Variants in RALYL observed in about 807,000 individuals in gnomAD.
The protein encoded by RALYL is RNA-binding Raly-like protein.
In RALYL, 29 loss-of-function variants were observed where a neutral mutation model predicts 35.1. That is an observed-to-expected ratio of 0.83 (90% CI 0.61 to 1.13). The LOEUF (loss-of-function observed/expected upper bound fraction) is 1.13. Ranked by LOEUF, RALYL falls within the 50% of genes most tolerant of loss-of-function variation. The pLI, the probability that RALYL is intolerant of heterozygous loss-of-function variation, is 0.00. For missense variants in RALYL, 359 were observed against 360.4 expected, an observed-to-expected ratio of 1.00 and a Z score of 0.03; for synonymous variants, 120 against 127.6, an observed-to-expected ratio of 0.94 and a Z score of 0.40.
chr8:84,438,483 G>A (rs1396940635), intron 1 of RALYL, among the ~76,000 whole-genome samples: 1 of 151,996 alleles, frequency 6.6e-6, no homozygotes, highest in African/African-American at 2.4e-5. Flanking sequence ...CCACCTCCTG[G>A]GCTCAAGCCA....
chr8:84,211,098 A>G (rs528064045), intron 1 of RALYL, among the ~76,000 whole-genome samples: 1 of 152,214 alleles, frequency 6.6e-6, no homozygotes, highest in African/African-American at 2.4e-5. Flanking sequence ...AATCCCTGAA[A>G]GATCAGTGTG....
chr8:84,473,994 G>T (rs1006536755), intron 1 of RALYL, among the ~76,000 whole-genome samples: 5 of 151,902 alleles, frequency 3.3e-5, no homozygotes, highest in Non-Finnish European at 7.4e-5. Context: ...TATTACTTAA[G>T]GTGACTTGTA....
chr8:84,409,291 G>A (rs182326810), intron 1 of RALYL, among the ~76,000 whole-genome samples: 146 of 152,018 alleles, frequency 9.6e-4, no homozygotes, highest in Non-Finnish European at 1.1e-3. Flanking sequence ...ATTGTATTGA[G>A]TGCTCTAGGA....
intron 1 of RALYL, among the ~76,000 whole-genome samples, chr8:84,272,583 C>T (rs1352440967): frequency 6.6e-6 from 1 of 152,148 alleles, no homozygotes; most frequent in African/African-American, 2.4e-5. Flanking sequence ...ATCATTGTCA[C>T]ATGGGCCAGG....
intron 1 of RALYL, among the ~76,000 whole-genome samples, chr8:84,453,355 G>T (rs1208741720): frequency 1.3e-5 from 2 of 151,904 alleles, no homozygotes; most frequent in Admixed American, 6.6e-5. Context: ...ATCTATGAAG[G>T]TAATAGGATA....
chr8:84,534,301 C>T (rs2059458802), intron 2 of RALYL, among the ~76,000 whole-genome samples: 1 of 152,234 alleles, frequency 6.6e-6, no homozygotes, highest in Admixed American at 6.5e-5. Context: ...CACTTAATCC[C>T]TTTTGCCTGG....
chr8:84,852,349 T>C (rs1314729937), intron 5 of RALYL, among the ~76,000 whole-genome samples: 1 of 152,158 alleles, frequency 6.6e-6, no homozygotes, highest in Non-Finnish European at 1.5e-5. Flanking sequence ...ATATTTTAAA[T>C]ATTAAGAAAC....
intron 4 of RALYL, among the ~76,000 whole-genome samples, chr8:84,821,597 C>T (rs1272229775): frequency 1.3e-5 from 2 of 152,192 alleles, no homozygotes; most frequent in Admixed American, 6.6e-5. Flanking sequence ...TTCCCAATCA[C>T]ATTCTGTTCA....
At chr8:84,504,449 A>G (rs2056988184) in intron 1 of RALYL, among the ~76,000 whole-genome samples, 1 of 152,144 alleles carries the variant, frequency 6.6e-6, no homozygotes, top group Non-Finnish European at 1.5e-5. Context: ...TGTGCATATA[A>G]CTTTACCCTA....
intron 1 of RALYL, among the ~76,000 whole-genome samples, chr8:84,249,608 A>G (rs1829784504): frequency 6.6e-6 from 1 of 152,166 alleles, no homozygotes; most frequent in South Asian, 2.1e-4. Flanking sequence ...GGAATCCTAT[A>G]GTCTTGAAAC....
At position 84,239,661 on chromosome 8, in the gene RALYL, C is replaced by T. The variant is rs531855675; in HGVS notation, c.-24+55237C>T. On this transcript the variant is annotated intron_variant, in intron 1 of 8. Transcript: ENST00000521268. Reference sequence around the variant, plus strand: ...GTCCTAGCACTTTGGGAGGCTGAGGCGGGCAGGTCATCTGAGATCAGGAGT... The same window carrying T: ...GTCCTAGCACTTTGGGAGGCTGAGGTGGGCAGGTCATCTGAGATCAGGAGT... 1.6e-4 allele frequency among the ~76,000 whole-genome samples: 24 copies of T among 152,136 alleles called. No homozygotes were observed. In the South Asian group the frequency reaches 4.2e-3, roughly 26 times the overall value.
intron 8 of RALYL, among the ~76,000 whole-genome samples, chr8:84,906,582 A>G (rs1442091183): frequency 6.6e-6 from 1 of 152,118 alleles, no homozygotes; most frequent in Non-Finnish European, 1.5e-5. Flanking sequence ...TTCTTCCCCA[A>G]CTTTTTTCAT....
intron 1 of RALYL, among the ~76,000 whole-genome samples, chr8:84,257,201 A>G (rs1454048528): frequency 6.6e-6 from 1 of 152,044 alleles, no homozygotes; most frequent in African/African-American, 2.4e-5. Context: ...AACAAAAATT[A>G]TTCTTGATAA....
At chr8:84,619,913 A>G (rs1226080280) in intron 2 of RALYL, among the ~76,000 whole-genome samples, 53 of 151,136 alleles carry the variant, frequency 3.5e-4, no homozygotes, top group African/African-American at 1.2e-3. Flanking sequence ...AGAATGTTGA[A>G]TATTGGCCCC....
chr8:84,222,741 T>G (rs1462516829), intron 1 of RALYL, among the ~76,000 whole-genome samples: 1 of 152,114 alleles, frequency 6.6e-6, no homozygotes, highest in Non-Finnish European at 1.5e-5. Flanking sequence ...TAAGGATTTG[T>G]GTACCATTGA....
At chr8:84,794,413 A>G (rs939197554) in intron 3 of RALYL, among the ~76,000 whole-genome samples, 1 of 152,240 alleles carries the variant, frequency 6.6e-6, no homozygotes, top group Non-Finnish European at 1.5e-5. Flanking sequence ...GTAGGATTTA[A>G]CAGCCATTAG....
chr8:84,858,906 G>A (rs1428000755), intron 5 of RALYL, among the ~76,000 whole-genome samples: 1 of 152,090 alleles, frequency 6.6e-6, no homozygotes, highest in Non-Finnish European at 1.5e-5. Flanking sequence ...AATTAAGAAA[G>A]TCTTCAGGTC....
chr8:84,736,487 A>G (rs1364899006), intron 2 of RALYL, among the ~76,000 whole-genome samples: 2 of 152,086 alleles, frequency 1.3e-5, no homozygotes, highest in Non-Finnish European at 2.9e-5. Flanking sequence ...GAGAGGTGCA[A>G]TATAAGCTAC....
chr8:84,494,066 G>C (rs968194002), intron 1 of RALYL, among the ~76,000 whole-genome samples: 19 of 152,178 alleles, frequency 1.2e-4, no homozygotes, highest in South Asian at 8.3e-4. Context: ...AATCCATCTT[G>C]AGTTAATTTT....
Sources: allele counts gnomAD v4.1 joint callset (sites outside exome capture counted in the v4.1 genomes callset), GRCh38; gene constraint gnomAD v4.1.1; transcripts MANE v1.5; gene names NCBI Gene and HGNC (gene_info 2026-07-23, HGNC 2026-07-21).